The following ATRNL1 variants were observed in gnomAD, a reference collection of about 807,000 sequenced individuals.
ATRNL1 encodes the protein attractin-like protein 1.
A neutral mutation model predicts 182.7 loss-of-function variants in ATRNL1; 95 were observed. That is an observed-to-expected ratio of 0.52 (90% CI 0.44 to 0.62). ATRNL1 has a LOEUF of 0.62. Among genes scored for constraint, ATRNL1 ranks in the 20% least tolerant of loss-of-function variants. The probability of loss-of-function intolerance (pLI) is 0.00; values close to 1 mark genes in which losing one functional copy is unlikely to be tolerated. For synonymous variants in ATRNL1, 576 were observed against 568.3 expected (o/e 1.01, Z -0.19); for missense variants, 1,471 against 1,679.5 (o/e 0.88, Z 2.17).
At chr10:115,665,190 T>A (rs1860930518) in intron 26 of ATRNL1, among the ~76,000 whole-genome samples, 1 of 152,106 alleles carries the variant, frequency 6.6e-6, no homozygotes, top group South Asian at 2.1e-4. Flanking sequence ...CTGATGTAGG[T>A]TGGGAGACAG....
intron 24 of ATRNL1, among the ~76,000 whole-genome samples, chr10:115,501,057 C>T (rs1391194611): frequency 6.6e-6 from 1 of 151,492 alleles, no homozygotes; most frequent in East Asian, 1.9e-4. Flanking sequence ...CTTAGCCTCC[C>T]AAGTAGCTGA....
chr10:115,202,487 A>T (rs1848624047), intron 8 of ATRNL1, among the ~76,000 whole-genome samples: 2 of 152,206 alleles, frequency 1.3e-5, no homozygotes, highest in Admixed American at 6.5e-5. Flanking sequence ...CTATTGAGAT[A>T]ATCATGTGGT....
chr10:115,394,855 A>C (rs1844207921), intron 20 of ATRNL1, 103 bp downstream of exon 20: 3 of 836,382 alleles, frequency 3.6e-6, no homozygotes, highest in South Asian at 1.8e-5. Flanking sequence ...AGTTAGGCAT[A>C]CCTTTATTAC....
At chr10:115,276,184 A>G (rs1449870685) in intron 13 of ATRNL1, among the ~76,000 whole-genome samples, 1 of 152,038 alleles carries the variant, frequency 6.6e-6, no homozygotes, top group African/African-American at 2.4e-5. Flanking sequence ...TTGTGTCTTC[A>G]ACCCCTTATA....
intron 17 of ATRNL1, among the ~76,000 whole-genome samples, chr10:115,313,784 G>T (rs1404987089): frequency 2.2e-4 from 34 of 152,214 alleles, no homozygotes; most frequent in African/African-American, 7.5e-4. Context: ...TCCCACTAAA[G>T]ATTTACTTTC....
At chr10:115,475,590 C>T (rs1215119397) in intron 24 of ATRNL1, among the ~76,000 whole-genome samples, 1 of 151,350 alleles carries the variant, frequency 6.6e-6, no homozygotes, top group Non-Finnish European at 1.5e-5. Flanking sequence ...TTATTCATTC[C>T]TCTGAGCTTC....
intron 25 of ATRNL1, among the ~76,000 whole-genome samples, chr10:115,537,599 T>G (rs1554990893): frequency 6.6e-6 from 1 of 152,226 alleles, no homozygotes; most frequent in Non-Finnish European, 1.5e-5. Flanking sequence ...TAATTCAAAG[T>G]ATGAGTATTC....
intron 24 of ATRNL1, among the ~76,000 whole-genome samples, chr10:115,506,090 T>TA (rs1294124914): frequency 1.6e-4 from 24 of 150,482 alleles, no homozygotes; most frequent in East Asian, 1.4e-3. Flanking sequence ...TAGTTAAAAT[T>TA]AAAAAAAAAA....
At chr10:115,215,221 A>G (rs1193125797) in intron 8 of ATRNL1, among the ~76,000 whole-genome samples, 1 of 152,196 alleles carries the variant, frequency 6.6e-6, no homozygotes, top group Non-Finnish European at 1.5e-5. Flanking sequence ...AAAGGACTTT[A>G]TAAAAAGGAA....
At chr10:115,697,734 C>G (rs782321563) in intron 26 of ATRNL1, among the ~76,000 whole-genome samples, 5 of 152,048 alleles carry the variant, frequency 3.3e-5, no homozygotes, top group African/African-American at 4.8e-5. Context: ...ATTTTGGAAT[C>G]TCATTTGAGT....
At chr10:115,669,491 C>G (rs1555040744) in intron 26 of ATRNL1, among the ~76,000 whole-genome samples, 1 of 152,034 alleles carries the variant, frequency 6.6e-6, no homozygotes, top group African/African-American at 2.4e-5. Flanking sequence ...TTTTTCTTTG[C>G]AACTGACATT....
At chr10:115,732,653 T>C (rs1295700968) in intron 27 of ATRNL1, among the ~76,000 whole-genome samples, 1 of 152,168 alleles carries the variant, frequency 6.6e-6, no homozygotes, top group East Asian at 1.9e-4. Context: ...TTCAGACCTA[T>C]GCTGAAGATC....
At chr10:115,506,194 G>T (rs1271936535) in intron 24 of ATRNL1, among the ~76,000 whole-genome samples, 1 of 151,870 alleles carries the variant, frequency 6.6e-6, no homozygotes, top group Admixed American at 6.6e-5. Context: ...GTGGTGGTGG[G>T]GAATTTAGCC....
At chr10:115,263,194 AGCTGTT>A (rs1554909260) in intron 10 of ATRNL1, among the ~76,000 whole-genome samples, 2 of 151,892 alleles carry the variant, frequency 1.3e-5, no homozygotes, top group Non-Finnish European at 2.9e-5. Flanking sequence ...AATTTAAATG[AGCTGTT>A]GAATTGACAT....
At position 115,549,437 on chromosome 10, in the gene ATRNL1, T is replaced by C. The variant is rs570915888; in HGVS notation, c.3717-21T>C. Reference sequence around the variant, plus strand: ...GTTCAAATAAGTTTTGAGCAAAAATTATTTGTGTTTTATTTTCCAGTTGTT... The same window carrying C: ...GTTCAAATAAGTTTTGAGCAAAAATCATTTGTGTTTTATTTTCCAGTTGTT... On this transcript the variant is annotated intron_variant, in intron 25 of 28. Coordinates refer to ENST00000355044, the MANE Select transcript of ATRNL1 (RefSeq NM_207303.4). 7 of 1,571,114 alleles carry C rather than the reference T, an allele frequency of 4.5e-6. No individual in the cohort carries two copies. The East Asian group carries it at 1.4e-4, about 31-fold the overall frequency.
Position 115,527,996 on chromosome 10 carries a change from CCCTTCCTTCCTT to C in ATRNL1, c.3716+8691_3716+8702del, listed in dbSNP as rs1256687871. 1.6e-3 allele frequency among the ~76,000 whole-genome samples: 87 copies of C among 54,024 alleles called. 2 individuals carry two copies. Among genetic ancestry groups the C allele is most frequent in the African/African-American group, 9.2e-3 (87 of 9,498 alleles). 35.4% of individuals were successfully genotyped at this position (54,024 alleles called of 152,430 possible). On this transcript the variant is annotated intron_variant, in intron 25 of 28. Coordinates refer to ENST00000355044, the MANE Select transcript of ATRNL1 (RefSeq NM_207303.4). ...TCCTTCCCTCCCTCCCTCCCTCCCT[CCCTTCCTTCCTT>C]CCTTCCTTCCTTCCTTCCCTCCTTC... is the stretch of plus-strand genomic sequence containing the variant.
At chr10:115,739,645 C>A (rs1948080102) in intron 27 of ATRNL1, among the ~76,000 whole-genome samples, 1 of 152,152 alleles carries the variant, frequency 6.6e-6, no homozygotes, top group African/African-American at 2.4e-5. Context: ...AAAACATTAA[C>A]ACAAAAGTAG....
At chr10:115,879,305 C>CAAAAAAAAAAAAAAAAAAA in intron 28 of ATRNL1, among the ~76,000 whole-genome samples, 7 of 107,954 alleles carry the variant, frequency 6.5e-5, no homozygotes, top group African/African-American at 1.1e-4. Flanking sequence ...CTCTCTATCT[C>CAAAAAAAAAAAAAAAAAAA]AAAAAAAAAA....
intron 10 of ATRNL1, among the ~76,000 whole-genome samples, chr10:115,245,722 T>C (rs1386181979): frequency 6.6e-6 from 1 of 152,036 alleles, no homozygotes; most frequent in Non-Finnish European, 1.5e-5. Flanking sequence ...TCTGCTTGCT[T>C]TTCATGTTTA....
Sources: allele counts gnomAD v4.1 joint callset (sites outside exome capture counted in the v4.1 genomes callset), GRCh38; gene constraint gnomAD v4.1.1; transcripts MANE v1.5; gene names NCBI Gene and HGNC (gene_info 2026-07-23, HGNC 2026-07-21).